TAF1B: variants seen among roughly 807,000 people sequenced by gnomAD.
TAF1B encodes TATA-box binding protein associated factor, RNA polymerase I subunit B.
Under a neutral mutation model 83.9 loss-of-function variants are expected in TAF1B, and 61 were observed. That is an observed-to-expected ratio of 0.73 (90% CI 0.59 to 0.90). TAF1B has a LOEUF of 0.90. Ranked by LOEUF, TAF1B falls within the 40% of genes least tolerant of loss-of-function variation. The probability of loss-of-function intolerance (pLI) is 0.00; values close to 1 mark genes in which losing one functional copy is unlikely to be tolerated. For missense variants in TAF1B, 625 were observed against 677.0 expected, an observed-to-expected ratio of 0.92 and a Z score of 0.85; for synonymous variants, 221 against 224.6, an observed-to-expected ratio of 0.98 and a Z score of 0.14.
In TAF1B at chr2:9,848,532, G is replaced by C. The variant is rs77751881; in HGVS notation, c.118-841G>C. 0.013 allele frequency among the ~76,000 whole-genome samples: 1,920 copies of C among 152,270 alleles called. 95 individuals carry two copies. The East Asian group carries it at 0.14, about 11-fold the overall frequency. ...AAATACAAAATTAGCCAGGCGTGAT[G>C]GCGCATGCCTTTAATCCCAGCTGCT... is the stretch of plus-strand genomic sequence containing the variant. On this transcript the variant is annotated intron_variant, in intron 2 of 14. Transcript: ENST00000263663.
At chr2:9,854,300 C>G in intron 4 of TAF1B, 26 bp from the exon 5 acceptor site, 1 of 1,556,508 alleles carries the variant, frequency 6.4e-7, no homozygotes, top group Non-Finnish European at 8.9e-7. Context: ...CTGAATCACC[C>G]ACCACTCATT....
chr2:9,925,138 T>G (rs1159042272), intron 14 of TAF1B, among the ~76,000 whole-genome samples: 1 of 152,116 alleles, frequency 6.6e-6, no homozygotes, highest in African/African-American at 2.4e-5. Context: ...TTTTTTAAAC[T>G]ATAGTGAAAA....
intron 9 of TAF1B, among the ~76,000 whole-genome samples, chr2:9,908,028 CTTTTTT>C (rs57261740): frequency 0.032 from 2,264 of 71,756 alleles, 416 homozygotes; most frequent in Non-Finnish European, 0.038. Flanking sequence ...GATCTTAATT[CTTTTTT>C]TTTTTTTTTT....
At chr2:9,853,546 C>A (rs935560231) in intron 4 of TAF1B, among the ~76,000 whole-genome samples, 2 of 151,904 alleles carry the variant, frequency 1.3e-5, no homozygotes, top group Non-Finnish European at 2.9e-5. Context: ...TGGCTCACTG[C>A]AGCCCCAACC....
intron 6 of TAF1B, among the ~76,000 whole-genome samples, chr2:9,870,469 G>A (rs114486589): frequency 0.063 from 9,650 of 152,142 alleles, 386 homozygotes; most frequent in East Asian, 0.17. Flanking sequence ...CCCGGCCGAC[G>A]GAGCAAAACC....
At chr2:9,885,922 A>G (rs1015368617) in intron 8 of TAF1B, among the ~76,000 whole-genome samples, 39 of 152,326 alleles carry the variant, frequency 2.6e-4, no homozygotes, top group Middle Eastern at 3.4e-3. Context: ...AGGAACAGAC[A>G]TCAGAATATT....
rs1026374865 is a variant in TAF1B at position 9,914,897 on chromosome 2, A to G, written c.1271+1648A>G. 6.6e-6 allele frequency among the ~76,000 whole-genome samples: 1 copy of G among 151,914 alleles called. No individual in the cohort carries two copies. Among genetic ancestry groups the G allele is most frequent in the African/African-American group, 2.4e-5 (1 of 41,334 alleles). On this transcript the variant is annotated intron_variant, in intron 12 of 14. Coordinates refer to ENST00000263663, the MANE Select transcript of TAF1B (RefSeq NM_005680.3). The surrounding 1 kb of genome is among the most constrained non-coding windows in gnomAD (Gnocchi z 4.3). The stretch of plus-strand genomic sequence containing the variant: ...TGCGTGGTGGCCACCTGTCGGTTTC[A>G]CCCTTCCCCACCCCCATGTTGACAT...
chr2:9,899,954 T>C (rs542883141), intron 8 of TAF1B, among the ~76,000 whole-genome samples: 1 of 152,224 alleles, frequency 6.6e-6, no homozygotes, highest in East Asian at 1.9e-4. Context: ...CTGCTTAATA[T>C]GATGCATGAT....
intron 6 of TAF1B, among the ~76,000 whole-genome samples, chr2:9,870,570 A>G (rs1224482246): frequency 1.3e-5 from 2 of 152,178 alleles, no homozygotes; most frequent in Non-Finnish European, 1.5e-5. Context: ...TGTGACTTTC[A>G]TATTTCCGTA....
At chr2:9,929,142 T>TTGTTGTTGTTG (rs1553295011) in intron 14 of TAF1B, among the ~76,000 whole-genome samples, 45 of 151,030 alleles carry the variant, frequency 3.0e-4, no homozygotes, top group African/African-American at 6.6e-4. Context: ...ATTGGTTCTG[T>TTGTTGTTGTTG]TTGTTGTTGT....
chr2:9,867,979 G>A (rs1004345769), intron 5 of TAF1B, among the ~76,000 whole-genome samples: 1 of 152,186 alleles, frequency 6.6e-6, no homozygotes, highest in Non-Finnish European at 1.5e-5. Flanking sequence ...ATTGATGCGC[G>A]ATGTTTTCAG....
At chr2:9,922,227 C>G (rs1665899371) in intron 14 of TAF1B, among the ~76,000 whole-genome samples, 1 of 152,174 alleles carries the variant, frequency 6.6e-6, no homozygotes, top group African/African-American at 2.4e-5. Context: ...TAATACTGAT[C>G]TTTTCCTCTT....
chr2:9,868,574 T>C lies in TAF1B; in HGVS notation c.553+145T>C, dbSNP rs1664068983. The stretch of plus-strand genomic sequence containing the variant: ...CAAGGAAGAATGACTTGCTGAATCA[T>C]ATGGCTAAGACAAACTAAGTGAAAT... On this transcript the variant is annotated intron_variant, in intron 6 of 14. Coordinates refer to ENST00000263663, the MANE Select transcript of TAF1B (RefSeq NM_005680.3). The C allele has an allele frequency of 5.1e-6, 6 of 1,168,520 alleles. No individual in the cohort carries two copies. In the South Asian group the frequency reaches 5.3e-5, roughly 10 times the overall value. The allele number at this position is 1,168,520 out of a possible 1,614,324, so 72.4% of individuals were successfully genotyped here.
intron 14 of TAF1B, 129 bp downstream of exon 14, chr2:9,919,949 C>A: frequency 1.2e-6 from 1 of 838,132 alleles, no homozygotes; most frequent in Non-Finnish European, 1.9e-6. Flanking sequence ...TACATTGAGT[C>A]TTGTGTAGGA....
intron 8 of TAF1B, among the ~76,000 whole-genome samples, chr2:9,883,591 T>A (rs959043736): frequency 1.3e-5 from 2 of 152,228 alleles, no homozygotes; most frequent in African/African-American, 4.8e-5. Context: ...AGACATAAAG[T>A]GAATTTGCAA....
At chr2:9,883,585 A>G (rs1664576023) in intron 8 of TAF1B, among the ~76,000 whole-genome samples, 1 of 152,230 alleles carries the variant, frequency 6.6e-6, no homozygotes. Context: ...AAATGCAGAC[A>G]TAAAGTGAAT....
At chr2:9,879,122 T>C (rs1664414485) in intron 7 of TAF1B, among the ~76,000 whole-genome samples, 1 of 152,226 alleles carries the variant, frequency 6.6e-6, no homozygotes, top group Non-Finnish European at 1.5e-5. Context: ...ATATACACTA[T>C]GTTTTTTCCT....
In TAF1B at chr2:9,882,739, T is replaced by C; in HGVS notation, c.741T>C (p.Asn247=). 1 of 1,611,782 alleles carries C rather than the reference T, an allele frequency of 6.2e-7. No individual in the cohort carries two copies. The change falls in exon 8 of 15, where the codon AAT becomes AAC. Residue 247 remains asparagine, a synonymous_variant. Transcript: ENST00000263663. ...FVEEDHIPYI[N]AFQHFPEQMK... The stretch of plus-strand genomic sequence containing the variant: ...AAGAGGACCATATTCCTTACATAAA[T>C]GCTTTTCAGCATTTTCCAGAACAGA...
At chr2:9,868,907 A>G (rs917449186) in intron 6 of TAF1B, 18 of 339,270 alleles carry the variant, frequency 5.3e-5, no homozygotes, top group Admixed American at 2.5e-4. Context: ...TAAATAAGGA[A>G]TGTATTTAAG....
Sources: gnomAD v4.1 joint callset for allele counts (sites outside exome capture counted in the v4.1 genomes callset) on GRCh38, gnomAD v4.1.1 for gene constraint, Gnocchi (gnomAD v3.1) non-coding constraint, MANE v1.5 for transcripts, NCBI Gene and HGNC (gene_info 2026-07-23, HGNC 2026-07-21) for gene names.